The following RRP12 variants were observed in gnomAD, a reference collection of about 807,000 sequenced individuals.
The protein encoded by RRP12 is RRP12-like protein.
In RRP12, 78 loss-of-function variants were observed where a neutral mutation model predicts 157.3. The ratio of observed to expected loss-of-function variants is 0.50; its 90% CI spans 0.41 to 0.60. The LOEUF is 0.60. RRP12 is among the 20% of genes least tolerant of loss of function. The pLI is 0.00. For synonymous variants in RRP12, 726 were observed against 670.9 expected (o/e 1.08, Z -1.27); for missense variants, 1,521 against 1,679.9 (o/e 0.91, Z 1.65).
At chr10:97,371,825 T>G in intron 20 of RRP12, 1 of 423,068 alleles carries the variant, frequency 2.4e-6, no homozygotes, top group Non-Finnish European at 4.4e-6. Context: ...CAAAGGAGCA[T>G]GGCCTTGGTT....
chr10:97,398,023 G>A (rs11817766), intron 2 of RRP12, among the ~76,000 whole-genome samples: 5,116 of 54,468 alleles, frequency 0.094, 92 homozygotes, highest in African/African-American at 0.11. Context: ...ATATATATAT[G>A]TATATATATA....
At chr10:97,381,293 G>A in intron 12 of RRP12, 93 bp downstream of exon 12, 1 of 913,664 alleles carries the variant, frequency 1.1e-6, no homozygotes, top group Non-Finnish European at 1.6e-6. Context: ...TGCAGGCCTG[G>A]CCCACAGTAG....
In RRP12 at chr10:97,383,903, G is replaced by A. The variant is rs115749972; in HGVS notation, c.1208+1263C>T. ...CGCAGCCCACCTTGCTGTTCCTCCCGGCTGGCTGGCAAACGCTCTGGCAGG... is the reference window on the plus strand; with the variant it reads ...CGCAGCCCACCTTGCTGTTCCTCCCAGCTGGCTGGCAAACGCTCTGGCAGG... On this transcript the variant is annotated intron_variant, in intron 10 of 33. Coordinates refer to ENST00000370992, the MANE Select transcript of RRP12 (RefSeq NM_015179.4). Among the ~76,000 whole-genome samples the A allele has an allele frequency of 7.7e-3, 1,179 of 152,300 alleles. 16 individuals are homozygous for A. Among genetic ancestry groups the A allele is most frequent in the African/African-American group, 0.026 (1,090 of 41,554 alleles).
intron 17 of RRP12, 141 bp downstream of exon 17, chr10:97,373,434 G>T: frequency 9.4e-7 from 1 of 1,067,060 alleles, no homozygotes; most frequent in East Asian, 2.6e-5. Context: ...ATCCCCTGGG[G>T]TCTGCAGCAG....
At chr10:97,363,676 AC>A (rs1226274091) in intron 30 of RRP12, among the ~76,000 whole-genome samples, 177 bp downstream of exon 30, 1 of 151,884 alleles carries the variant, frequency 6.6e-6, no homozygotes, top group Non-Finnish European at 1.5e-5. Context: ...GACAACCATC[AC>A]CCTGTCCTGC....
At chr10:97,391,122 G>A (rs1411101769) in intron 4 of RRP12, among the ~76,000 whole-genome samples, 1 of 152,126 alleles carries the variant, frequency 6.6e-6, no homozygotes, top group African/African-American at 2.4e-5. Flanking sequence ...CAGAAAGCCT[G>A]GGGCCAACTA....
chr10:97,367,166 G>T, intron 25 of RRP12, 34 bp from the exon 26 acceptor site: 1 of 1,582,734 alleles, frequency 6.3e-7, no homozygotes. Flanking sequence ...TCAGGGAGGC[G>T]AGCCTTCCAT....
At position 97,370,156 on chromosome 10, in the gene RRP12, TAAGC is replaced by T. The variant is rs1051180266; in HGVS notation, c.2797+7_2797+10del. On this transcript the variant is annotated splice_region_variant and intron_variant, in intron 24 of 33. Transcript: ENST00000370992. ...AGGGCTTCTCAGGCCTTCTAGGAAA[TAAGC>T]ATTTACCTTTAAACTCGAAAAGGAG... 5 of 1,566,392 alleles carry T rather than the reference TAAGC, an allele frequency of 3.2e-6. No individual in the cohort carries two copies. In the African/African-American group the frequency reaches 6.7e-5, roughly 21 times the overall value.
At position 97,400,307 on chromosome 10, in the gene RRP12, CCTT is replaced by C; in HGVS notation, c.364_366del (p.Lys122del). 1 of 1,613,644 alleles carries C rather than the reference CCTT, an allele frequency of 6.2e-7. No homozygotes were observed. The highest frequency in any genetic ancestry group is 8.5e-7 in the Non-Finnish European group (1 of 1,179,596). ...GCCCTCCCGACCCTCGCCCCTACCT[CCTT>C]GTGGGCAGCCGAGTTGGACTCCCAG... On this transcript the variant is annotated inframe_deletion, in exon 2 of 34. Transcript: ENST00000370992.
chr10:97,369,341 C>T, intron 25 of RRP12, 84 bp downstream of exon 25: 3 of 1,401,782 alleles, frequency 2.1e-6, no homozygotes, highest in Non-Finnish European at 2.9e-6. Context: ...TAGTTTGAAA[C>T]TTGCTGGCCT....
intron 15 of RRP12, among the ~76,000 whole-genome samples, chr10:97,374,494 T>G (rs7097555): frequency 6.6e-6 from 1 of 151,806 alleles, no homozygotes; most frequent in Non-Finnish European, 1.5e-5. Context: ...AAACAGGGGC[T>G]GGGTGCAGTG....
chr10:97,388,746 A>C (rs1406742591), intron 6 of RRP12, 122 bp from the exon 7 acceptor site: 7 of 1,211,958 alleles, frequency 5.8e-6, no homozygotes, highest in Non-Finnish European at 8.1e-6. Context: ...TGATCTGACT[A>C]CTATAGATCC....
chr10:97,398,681 A>G (rs1297556044), intron 2 of RRP12, among the ~76,000 whole-genome samples: 4 of 152,056 alleles, frequency 2.6e-5, no homozygotes, highest in Non-Finnish European at 5.9e-5. Flanking sequence ...ACTACTCATA[A>G]TTTAAAATAT....
Position 97,400,309 on chromosome 10 carries a change from T to G in RRP12, c.365A>C (p.Lys122Thr), listed in dbSNP as rs373654618. ...CCTCCCGACCCTCGCCCCTACCTCC[T>G]TGTGGGCAGCCGAGTTGGACTCCCA... is the stretch of plus-strand genomic sequence containing the variant. ...RFWESNSAAH[K>T]EICAVLAAVT... Residue 122 changes from lysine to threonine, a missense_variant, in exon 2 of 34, where the codon AAG (lysine) becomes ACG (threonine). By Grantham distance (78) the Lys-to-Thr change is moderately conservative. Transcript: ENST00000370992. 70 of 1,613,672 alleles carry G rather than the reference T, an allele frequency of 4.3e-5. No homozygotes were observed. The highest frequency in any genetic ancestry group is 5.2e-5 in the Non-Finnish European group (61 of 1,179,792).
intron 10 of RRP12, among the ~76,000 whole-genome samples, chr10:97,382,959 G>A (rs1480176216): frequency 2.6e-5 from 4 of 151,646 alleles, no homozygotes; most frequent in Admixed American, 6.6e-5. Context: ...ATGGGGTTTC[G>A]CCATTTTGGC....
chr10:97,361,054 ATC>A (rs1247089674), intron 30 of RRP12, among the ~76,000 whole-genome samples: 20 of 152,188 alleles, frequency 1.3e-4, no homozygotes, highest in African/African-American at 4.3e-4. Flanking sequence ...TCACTTACTG[ATC>A]CCCTACTAAG....
chr10:97,393,196 G>A (rs915009503), intron 4 of RRP12: 3 of 426,100 alleles, frequency 7.0e-6, no homozygotes, highest in African/African-American at 6.1e-5. Context: ...ATTTTCAATA[G>A]AGCTTTCTGA....
chr10:97,391,685 G>T (rs1390007957), intron 4 of RRP12, among the ~76,000 whole-genome samples: 4 of 152,348 alleles, frequency 2.6e-5, no homozygotes, highest in Non-Finnish European at 5.9e-5. Context: ...AGTTTGGGAG[G>T]CCGAGGCGGG....
rs760716087 is a variant in RRP12 at position 97,372,093 on chromosome 10, T to A, written c.2323A>T (p.Thr775Ser). 123 of 1,612,804 alleles carry A rather than the reference T, an allele frequency of 7.6e-5. 1 individual carries two copies. The highest frequency in any genetic ancestry group is 1.7e-4 in the Middle Eastern group (1 of 6,060). ...DEAAISKLYS[T>S]IRPYLESKAH... is the part of the protein sequence containing the mutation. ...CTCACCTCTAGGTAGGGCCGGATGG[T>A]GGAGTATAGCTTACTGATGGCAGCT... Residue 775 changes from threonine (T) to serine (S), a missense_variant, in exon 20 of 34, where the codon ACC (threonine) becomes TCC (serine). Thr to Ser is a moderately conservative substitution (Grantham distance 58, BLOSUM62 1). Transcript: ENST00000370992.
Sources: allele counts gnomAD v4.1 joint callset (sites outside exome capture counted in the v4.1 genomes callset), GRCh38; gene constraint gnomAD v4.1.1; transcripts MANE v1.5; gene names NCBI Gene and HGNC (gene_info 2026-07-23, HGNC 2026-07-21).